TEX9: variants seen among roughly 807,000 people sequenced by gnomAD.
TEX9 encodes the protein testis expressed 9.
A neutral mutation model predicts 59.6 loss-of-function variants in TEX9; 74 were observed. The ratio of observed to expected loss-of-function variants is 1.24; its 90% CI spans 1.03 to 1.51. The LOEUF is 1.51. Ranked by LOEUF, TEX9 falls within the 40% of genes most tolerant of loss-of-function variation. The pLI, the probability that TEX9 is intolerant of heterozygous loss-of-function variation, is 0.00. For synonymous variants in TEX9, 186 were observed against 152.2 expected (o/e 1.22, Z -1.64); for missense variants, 522 against 447.8 (o/e 1.17, Z -1.49).
intron 2 of TEX9, among the ~76,000 whole-genome samples, chr15:56,369,086 G>T (rs2047073188): frequency 6.6e-6 from 1 of 151,738 alleles, no homozygotes; most frequent in South Asian, 2.1e-4. Flanking sequence ...TTCTTTTATG[G>T]TTATTTAGTT....
In TEX9 at chr15:56,424,086, T is replaced by C. The variant is rs79664828; in HGVS notation, c.964-3519T>C. Among the ~76,000 whole-genome samples the C allele has an allele frequency of 9.3e-4, 142 of 152,318 alleles. 2 individuals are homozygous for C. The East Asian group carries it at 0.024, about 26-fold the overall frequency. ...TCTATTGATTATTGGAAGTGGGGTA[T>C]TGAAGTCTACTTTTACTATAGAGTA... On this transcript the variant is annotated intron_variant, in intron 10 of 12. Coordinates refer to ENST00000352903, the Ensembl canonical transcript of TEX9.
intron 1 of TEX9, among the ~76,000 whole-genome samples, chr15:56,277,793 C>A (rs1469379568): frequency 2.0e-5 from 3 of 152,206 alleles, no homozygotes; most frequent in African/African-American, 7.2e-5. Context: ...AAACCAGCCA[C>A]AATTTAACCA....
intron 1 of TEX9, among the ~76,000 whole-genome samples, chr15:56,358,565 T>G (rs1438268507): frequency 6.6e-6 from 1 of 152,208 alleles, no homozygotes; most frequent in African/African-American, 2.4e-5. Flanking sequence ...TTAATATGGT[T>G]AAATTGTTGA....
At position 56,337,287 on chromosome 15, in the gene TEX9, A is replaced by T. The variant is rs557574812; in HGVS notation, c.-106-36154A>T. On this transcript the variant is annotated intron_variant, in intron 1 of 5. Coordinates refer to the TEX9 transcript ENST00000560827. ...TGGCTTATCTGGTGGGGCTATTCAG[A>T]TCCTTATCCTTGAGGGGTCTGACCC... is the stretch of plus-strand genomic sequence containing the variant. Among the ~76,000 whole-genome samples, 40 of 152,230 alleles carry T rather than the reference A, an allele frequency of 2.6e-4. No individual in the cohort carries two copies. In the South Asian group the frequency reaches 8.1e-3, roughly 31 times the overall value.
At chr15:56,401,321 A>C (rs186197384) in intron 9 of TEX9, among the ~76,000 whole-genome samples, 6 of 150,004 alleles carry the variant, frequency 4.0e-5, no homozygotes, top group East Asian at 2.0e-4. Flanking sequence ...AAAAAAAAAA[A>C]AAAAAAAAAA....
chr15:56,421,459 A>T (rs1388016379), intron 10 of TEX9: 1 of 151,920 alleles, frequency 6.6e-6, no homozygotes, highest in African/African-American at 2.4e-5. Context: ...TTTGGATTTC[A>T]GACTTTTGGA....
intron 1 of TEX9, among the ~76,000 whole-genome samples, chr15:56,311,643 C>T (rs62046693): frequency 0.039 from 3,395 of 87,742 alleles, no homozygotes; most frequent in Non-Finnish European, 0.049. Context: ...ATTCATAGTC[C>T]TTTGGGTATA....
chr15:56,342,634 A>G (rs1353758500), intron 1 of TEX9, among the ~76,000 whole-genome samples: 1 of 152,196 alleles, frequency 6.6e-6, no homozygotes, highest in African/African-American at 2.4e-5. Context: ...TCCCTACACT[A>G]AAGAACAGTA....
At chr15:56,322,074 T>C (rs746140828) in intron 1 of TEX9, among the ~76,000 whole-genome samples, 2 of 152,036 alleles carry the variant, frequency 1.3e-5, no homozygotes, top group African/African-American at 2.4e-5. Flanking sequence ...TTTTACTATA[T>C]GTAAATTTAA....
intron 1 of TEX9, among the ~76,000 whole-genome samples, chr15:56,309,520 T>C (rs2045555685): frequency 6.6e-6 from 1 of 152,076 alleles, no homozygotes; most frequent in South Asian, 2.1e-4. Flanking sequence ...TGTAGATTTT[T>C]TTCTCTTGTG....
At chr15:56,285,580 G>A (rs943681102) in intron 1 of TEX9, among the ~76,000 whole-genome samples, 6 of 152,160 alleles carry the variant, frequency 3.9e-5, no homozygotes, top group African/African-American at 1.4e-4. Context: ...CTTTGATATT[G>A]TAGCTTTTTT....
At chr15:56,384,018 G>T in exon 4 of TEX9, 1 of 1,612,586 alleles carries the variant, frequency 6.2e-7, no homozygotes, top group Non-Finnish European at 8.5e-7. Context: ...TGACGAAGAT[G>T]ATTACAGTTT....
intron 1 of TEX9, among the ~76,000 whole-genome samples, chr15:56,255,406 C>T (rs932219525): frequency 3.3e-5 from 5 of 151,880 alleles, no homozygotes; most frequent in Non-Finnish European, 5.9e-5. Flanking sequence ...ACATATGGAA[C>T]ACCAGATGGC....
chr15:56,444,636 T>A, intron 12 of TEX9: 1 of 1,612,300 alleles, frequency 6.2e-7, no homozygotes, highest in Non-Finnish European at 8.5e-7. Context: ...TCTCTTGTGT[T>A]CTTCCATCAT....
At chr15:56,289,737 G>T (rs1484600987) in intron 1 of TEX9, among the ~76,000 whole-genome samples, 1 of 152,144 alleles carries the variant, frequency 6.6e-6, no homozygotes, top group Non-Finnish European at 1.5e-5. Context: ...CTATGGAGTG[G>T]CCATGGAGCT....
intron 1 of TEX9, among the ~76,000 whole-genome samples, chr15:56,300,706 A>AGAGAGAGAGAGAGG (rs1555431661): frequency 1.8e-5 from 2 of 109,210 alleles, no homozygotes; most frequent in South Asian, 3.2e-4. Context: ...AGAGAGAGAG[A>AGAGAGAGAGAGAGG]GGGAGAGAGA....
chr15:56,365,041 C>A (rs1013488299), upstream of TEX9, among the ~76,000 whole-genome samples: 11 of 152,242 alleles, frequency 7.2e-5, no homozygotes, highest in Middle Eastern at 3.4e-3. Flanking sequence ...AATTAGAAAT[C>A]AAAACTTCTG....
chr15:56,376,331 C>CTT (rs2047451330), intron 3 of TEX9, among the ~76,000 whole-genome samples: 1 of 152,122 alleles, frequency 6.6e-6, no homozygotes, highest in East Asian at 1.9e-4. Flanking sequence ...AACCTCCAAA[C>CTT]TGTTTCCTTT....
rs111783895 is a variant in TEX9 at position 56,357,614 on chromosome 15, T to A, written c.-106-15827T>A. On this transcript the variant is annotated intron_variant, in intron 1 of 5. Transcript: ENST00000560827. ...TAACTTCAGTACTGTTTAACCATTC[T>A]CTGTTCATTCTGAATAATTTTTTCA... Among the ~76,000 whole-genome samples the A allele has an allele frequency of 9.8e-3, 1,485 of 152,296 alleles. 18 individuals are homozygous for A. Among genetic ancestry groups the A allele is most frequent in the African/African-American group, 0.034 (1,403 of 41,568 alleles).
Sources: gnomAD v4.1 joint callset for allele counts (sites outside exome capture counted in the v4.1 genomes callset) on GRCh38, gnomAD v4.1.1 for gene constraint, MANE v1.5 for transcripts, NCBI Gene and HGNC (gene_info 2026-07-23, HGNC 2026-07-21) for gene names.